The following SLCO4C1 variants were observed in gnomAD, a reference collection of about 807,000 sequenced individuals.
The protein encoded by SLCO4C1 is organic anion transporter M1.
Under a neutral mutation model 72.1 loss-of-function variants are expected in SLCO4C1, and 58 were observed. That is an observed-to-expected ratio of 0.80 (90% CI 0.65 to 1.00). The LOEUF (loss-of-function observed/expected upper bound fraction) is 1.00, where lower values mean the gene tolerates loss of function less well. Ranked by LOEUF, SLCO4C1 falls within the 50% of genes least tolerant of loss-of-function variation. SLCO4C1 has a pLI of 0.00. For missense variants in SLCO4C1, 898 were observed against 857.9 expected (o/e 1.05, Z -0.58); for synonymous variants, 297 against 312.5 (o/e 0.95, Z 0.52).
At chr5:102,293,573 A>C (rs1749594222) in intron 1 of SLCO4C1, among the ~76,000 whole-genome samples, 1 of 152,236 alleles carries the variant, frequency 6.6e-6, no homozygotes, top group African/African-American at 2.4e-5. Flanking sequence ...GGGTTAAATA[A>C]ACTCATTCGA....
chr5:102,260,451 T>A (rs1231869034), intron 5 of SLCO4C1, 132 bp from the exon 6 acceptor site: 1 of 197,388 alleles, frequency 5.1e-6, no homozygotes, highest in African/African-American at 2.4e-5. Flanking sequence ...AAGTGCTTAC[T>A]TTTTAACCGA....
At chr5:102,277,742 G>A (rs1749275205) in intron 2 of SLCO4C1, among the ~76,000 whole-genome samples, 1 of 144,938 alleles carries the variant, frequency 6.9e-6, no homozygotes. Flanking sequence ...ACAGCGTCAA[G>A]TAGTTAAGAC....
chr5:102,257,447 C>A, intron 7 of SLCO4C1, 137 bp from the exon 8 acceptor site: 2 of 608,256 alleles, frequency 3.3e-6, no homozygotes, highest in Non-Finnish European at 2.6e-6. Flanking sequence ...AATACATGTA[C>A]AAATGACTTA....
chr5:102,264,334 T>C (rs917791748), intron 3 of SLCO4C1, among the ~76,000 whole-genome samples: 18 of 152,128 alleles, frequency 1.2e-4, no homozygotes, highest in African/African-American at 4.1e-4. Context: ...ATCTGTGAGA[T>C]ATTTAAAATG....
intron 10 of SLCO4C1, among the ~76,000 whole-genome samples, chr5:102,240,991 T>G (rs1192944732): frequency 1.3e-5 from 2 of 152,020 alleles, no homozygotes; most frequent in Non-Finnish European, 2.9e-5. Context: ...ATATTGCAAA[T>G]AACACCAAAG....
chr5:102,274,463 C>A (rs908284178), intron 2 of SLCO4C1, among the ~76,000 whole-genome samples: 1 of 152,100 alleles, frequency 6.6e-6, no homozygotes, highest in Non-Finnish European at 1.5e-5. Context: ...AATGCTTAAC[C>A]CCAATCAAAG....
rs533397117 is a variant in SLCO4C1 at position 102,270,799 on chromosome 5, A to C, written c.627T>G (p.Cys209Trp). 13 of 1,542,266 alleles carry C rather than the reference A, an allele frequency of 8.4e-6. No individual in the cohort carries two copies. The Admixed American group carries it at 1.2e-4, about 15-fold the overall frequency. ...YKLGSLFEDTCVTTRNSTSCT... is the reference protein window; with the variant it reads ...YKLGSLFEDTWVTTRNSTSCT... The stretch of plus-strand genomic sequence containing the variant: ...AACTGGTGCTATTCCTTGTTGTTAC[A>C]CAAGTGTCTTTGTGGAAAAAAAAAT... The change falls in exon 3 of 13, where the codon TGT (cysteine) becomes TGG (tryptophan). Residue 209 changes from cysteine (C) to tryptophan (W), a missense_variant. By Grantham distance (215) the Cys-to-Trp change is radical. Coordinates refer to ENST00000310954, the MANE Select transcript of SLCO4C1 (RefSeq NM_180991.5).
intron 10 of SLCO4C1, among the ~76,000 whole-genome samples, chr5:102,246,938 G>A (rs929224994): frequency 1.3e-5 from 2 of 152,086 alleles, no homozygotes; most frequent in Admixed American, 6.5e-5. Context: ...ATATTGGAAT[G>A]CATTTTATTT....
At chr5:102,270,477 TAA>T (rs1580257421) in intron 3 of SLCO4C1, 145 bp downstream of exon 3, 1 of 541,306 alleles carries the variant, frequency 1.8e-6, no homozygotes, top group East Asian at 3.4e-5. Flanking sequence ...TGGCAGGAAA[TAA>T]AACAAAAGTA....
intron 2 of SLCO4C1, among the ~76,000 whole-genome samples, chr5:102,286,930 T>C (rs1236197568): frequency 6.6e-6 from 1 of 152,158 alleles, no homozygotes. Context: ...TTACTAGCTA[T>C]ATTACTTTAG....
chr5:102,240,728 A>C lies in SLCO4C1; in HGVS notation c.1866T>G (p.Leu622=). The C allele has an allele frequency of 6.2e-7, 1 of 1,610,870 alleles. No homozygotes were observed. The highest frequency in any genetic ancestry group is 8.5e-7 in the Non-Finnish European group (1 of 1,178,010). The change falls in exon 11 of 13, where the codon CTT becomes CTG. Residue 622 remains leucine (L), a synonymous_variant. Coordinates refer to ENST00000310954, the MANE Select transcript of SLCO4C1 (RefSeq NM_180991.5). ...AGAAAAATGGCATACCTAATAATCG[A>C]AGGACCATAAATTGTATTCCCAAGG... is the stretch of plus-strand genomic sequence containing the variant. ...SLALGIQFMV[L]RLLGTIPGPI... is the part of the protein sequence containing the mutation.
chr5:102,247,924 T>C, intron 9 of SLCO4C1, among the ~76,000 whole-genome samples: 1 of 115,896 alleles, frequency 8.6e-6, no homozygotes, highest in East Asian at 2.0e-4. Flanking sequence ...AAACTTTTTT[T>C]TTTTTTTTTT....
At position 102,291,352 on chromosome 5, in the gene SLCO4C1, G is replaced by C; in HGVS notation, c.610C>G (p.Leu204Val). The C allele has an allele frequency of 6.2e-7, 1 of 1,611,680 alleles. No individual in the cohort carries two copies. Among genetic ancestry groups the C allele is most frequent in the Non-Finnish European group, 8.5e-7 (1 of 1,179,432 alleles). Residue 204 changes from leucine (L) to valine (V), a missense_variant, in exon 2 of 13, where the codon CTT becomes GTT. Leu to Val is a conservative substitution (Grantham distance 32). Transcript: ENST00000310954. Reference sequence around the variant, plus strand: ...CACAATAGAAACTTACCTTCAAAAAGAGACCCCAATTTATATTCTCCACTG... The same window carrying C: ...CACAATAGAAACTTACCTTCAAAAACAGACCCCAATTTATATTCTCCACTG... ...FFSGEYKLGSLFEDTCVTTRN... is the reference protein window; with the variant it reads ...FFSGEYKLGSVFEDTCVTTRN...
chr5:102,247,240 C>T lies in SLCO4C1; in HGVS notation c.1811+12G>A, dbSNP rs772175037. ...GCCTTAGGGAATGAAAATTTCTCAA[C>T]GTGCTACATACCTTAGGATAGACAC... On this transcript the variant is annotated intron_variant, in intron 10 of 12. Transcript: ENST00000310954. 5.0e-5 allele frequency: 73 copies of T among 1,466,188 alleles called. No homozygotes were observed. Among genetic ancestry groups the T allele is most frequent in the South Asian group, 1.4e-4 (9 of 64,660 alleles). The allele number at this position is 1,466,188 out of a possible 1,614,324, so 90.8% of individuals were successfully genotyped here.
At chr5:102,281,782 CGA>C (rs1171917734) in intron 2 of SLCO4C1, among the ~76,000 whole-genome samples, 1 of 151,972 alleles carries the variant, frequency 6.6e-6, no homozygotes, top group Non-Finnish European at 1.5e-5. Flanking sequence ...TCAAATAAAC[CGA>C]GTCACTCATA....
At chr5:102,269,162 A>G (rs1749102945) in intron 3 of SLCO4C1, among the ~76,000 whole-genome samples, 1 of 152,110 alleles carries the variant, frequency 6.6e-6, no homozygotes, top group Non-Finnish European at 1.5e-5. Flanking sequence ...TTCTGGGTTG[A>G]ATCTATTTGG....
chr5:102,256,991 A>G, intron 8 of SLCO4C1, 124 bp downstream of exon 8: 1 of 659,564 alleles, frequency 1.5e-6, no homozygotes, highest in Non-Finnish European at 2.3e-6. Flanking sequence ...ATGTTCTTAC[A>G]TAGGAAAAAA....
intron 8 of SLCO4C1, among the ~76,000 whole-genome samples, chr5:102,253,842 T>C (rs936883783): frequency 8.6e-5 from 13 of 151,792 alleles, no homozygotes; most frequent in African/African-American, 2.9e-4. Flanking sequence ...TTCAGTACTA[T>C]GCTTGGTACC....
chr5:102,285,212 T>A (rs199869266), intron 2 of SLCO4C1, among the ~76,000 whole-genome samples: 2 of 147,850 alleles, frequency 1.4e-5, no homozygotes, highest in Non-Finnish European at 3.0e-5. Flanking sequence ...TATATATACA[T>A]ACACACACAC....
Sources: allele counts gnomAD v4.1 joint callset (sites outside exome capture counted in the v4.1 genomes callset), GRCh38; gene constraint gnomAD v4.1.1; transcripts MANE v1.5; gene names NCBI Gene and HGNC (gene_info 2026-07-23, HGNC 2026-07-21).